The following TSHR variants were observed in gnomAD, a reference collection of about 807,000 sequenced individuals.
The protein encoded by TSHR is thyrotropin receptor.
TSHR carries 51 observed loss-of-function variants against 64.1 expected under a neutral mutation model. That is an observed-to-expected ratio of 0.80 (90% CI 0.64 to 1.01). TSHR has a LOEUF of 1.01. Among genes scored for constraint, TSHR ranks in the 50% least tolerant of loss-of-function variants. The pLI is 0.00. For synonymous variants in TSHR, 361 were observed against 361.9 expected, an observed-to-expected ratio of 1.00 and a Z score of 0.03; for missense variants, 877 against 942.8, an observed-to-expected ratio of 0.93 and a Z score of 0.91.
At position 80,999,926 on chromosome 14, in the gene TSHR, C is replaced by CTTTTTT. The variant is rs887541689; in HGVS notation, c.170+44079_170+44084dup. Reference sequence around the variant, plus strand: ...TGGGGAAGACTACCAAATTTTTTTTCTTTTTTTTCTTTTTTTTTTTTTTGA... The same window carrying CTTTTTT: ...TGGGGAAGACTACCAAATTTTTTTTCTTTTTTTTTTTTTTCTTTTTTTTTTTTTTGA... On this transcript the variant is annotated intron_variant, in intron 1 of 9. Coordinates refer to ENST00000298171, the MANE Select transcript of TSHR (RefSeq NM_000369.5). Among the ~76,000 whole-genome samples the CTTTTTT allele has an allele frequency of 4.1e-3, 590 of 142,654 alleles. 12 individuals are homozygous for CTTTTTT. Among genetic ancestry groups the CTTTTTT allele is most frequent in the East Asian group, 0.013 (58 of 4,476 alleles). The allele number at this position is 142,654 out of a possible 152,430, so 93.6% of individuals were successfully genotyped here. A position where few individuals can be genotyped will look rare whatever the true frequency, so the allele number is the denominator to read the frequency against.
chr14:81,019,457 C>CTTTTTTT (rs1166193901), intron 1 of TSHR, among the ~76,000 whole-genome samples: 4 of 118,380 alleles, frequency 3.4e-5, no homozygotes, highest in Non-Finnish European at 3.6e-5. Context: ...ATCATCAATT[C>CTTTTTTT]TTTTTTTTTT....
At chr14:81,040,523 C>A (rs8016404) in intron 1 of TSHR, among the ~76,000 whole-genome samples, 1 of 151,832 alleles carries the variant, frequency 6.6e-6, no homozygotes, top group Non-Finnish European at 1.5e-5. Context: ...AGTGGAGAGA[C>A]GACATACAGA....
intron 7 of TSHR, among the ~76,000 whole-genome samples, chr14:81,101,893 C>T (rs563278599): frequency 6.6e-6 from 1 of 152,192 alleles, no homozygotes; most frequent in South Asian, 2.1e-4. Context: ...CTAAGCAGGC[C>T]GGGTGTGGTG....
At chr14:81,128,083 G>A (rs1357806713) in intron 8 of TSHR, among the ~76,000 whole-genome samples, 2 of 152,166 alleles carry the variant, frequency 1.3e-5, no homozygotes, top group Non-Finnish European at 2.9e-5. Context: ...TATAAGAAAT[G>A]ATTGTAGTAA....
intron 1 of TSHR, chr14:81,001,851 A>G (rs1282365875): frequency 4.7e-6 from 1 of 212,998 alleles, no homozygotes; most frequent in African/African-American, 2.3e-5. Flanking sequence ...AACTTTCTTG[A>G]TCTTGCTTTT....
Position 80,976,037 on chromosome 14 carries a change from G to A in TSHR, c.170+20187G>A, listed in dbSNP as rs998312242. Reference sequence around the variant, plus strand: ...CACCATTCTCCTGCCTCAGCCTCCCGAGTAGCTGGGACTACAGGCACCCGC... The same window carrying A: ...CACCATTCTCCTGCCTCAGCCTCCCAAGTAGCTGGGACTACAGGCACCCGC... On this transcript the variant is annotated intron_variant, in intron 1 of 9. Coordinates refer to ENST00000298171, the MANE Select transcript of TSHR (RefSeq NM_000369.5). 1.5e-4 allele frequency among the ~76,000 whole-genome samples: 22 copies of A among 151,612 alleles called. No individual in the cohort carries two copies. In the Middle Eastern group the frequency reaches 0.01, roughly 71 times the overall value.
chr14:81,051,478 T>C (rs921445038), intron 1 of TSHR: 4 of 152,164 alleles, frequency 2.6e-5, no homozygotes, highest in Non-Finnish European at 5.9e-5. Context: ...AAATTTACCT[T>C]GTCTTGGTAA....
intron 3 of TSHR, among the ~76,000 whole-genome samples, chr14:81,086,797 T>C (rs1888317237): frequency 6.6e-6 from 1 of 152,242 alleles, no homozygotes. Context: ...TCACAGACAT[T>C]ATGCTAAATG....
chr14:81,110,978 C>T (rs1285338593), intron 8 of TSHR, among the ~76,000 whole-genome samples: 2 of 152,054 alleles, frequency 1.3e-5, no homozygotes, highest in African/African-American at 2.4e-5. Context: ...TACTTATCTT[C>T]ATTGCATTAT....
intron 7 of TSHR, chr14:81,107,251 A>G (rs1889954083): frequency 6.6e-6 from 1 of 152,180 alleles, no homozygotes; most frequent in African/African-American, 2.4e-5. Flanking sequence ...ATGTTCCACC[A>G]TGAAGAGCAA....
At chr14:81,042,115 A>G (rs1884950502) in intron 1 of TSHR, among the ~76,000 whole-genome samples, 1 of 152,224 alleles carries the variant, frequency 6.6e-6, no homozygotes, top group African/African-American at 2.4e-5. Flanking sequence ...CCCAATTAGA[A>G]TGGGTATTCT....
In TSHR at chr14:81,126,457, T is replaced by C. The variant is rs547639155; in HGVS notation, c.693-13222T>C. On this transcript the variant is annotated intron_variant, in intron 8 of 9. Coordinates refer to ENST00000298171, the MANE Select transcript of TSHR (RefSeq NM_000369.5). ...AGTCTGAGTAAATGTTTCCTATCTA[T>C]GCCAGGCCAAAAAGTAAACTAGATA... Among the ~76,000 whole-genome samples the C allele has an allele frequency of 1.5e-4, 23 of 152,328 alleles. No homozygotes were observed. In the South Asian group the frequency reaches 3.9e-3, roughly 26 times the overall value.
At chr14:81,022,812 C>T (rs886894156) in intron 1 of TSHR, among the ~76,000 whole-genome samples, 2 of 151,590 alleles carry the variant, frequency 1.3e-5, no homozygotes, top group Non-Finnish European at 2.9e-5. Context: ...CAAAGCGAGA[C>T]TTCATCTCAA....
rs564236514 is a variant in TSHR at position 81,109,131 on chromosome 14, C to T, written c.692+679C>T. ...GTCCTTGCCAAAGTGGATCACAGGCCGGGCACAGTGTCTCACACCTGTAAT... is the reference window on the plus strand; with the variant it reads ...GTCCTTGCCAAAGTGGATCACAGGCTGGGCACAGTGTCTCACACCTGTAAT... On this transcript the variant is annotated intron_variant, in intron 8 of 9. Coordinates refer to ENST00000298171, the MANE Select transcript of TSHR (RefSeq NM_000369.5). Among the ~76,000 whole-genome samples the T allele has an allele frequency of 5.3e-5, 8 of 152,238 alleles. No homozygotes were observed. The East Asian group carries it at 7.7e-4, about 15-fold the overall frequency.
chr14:80,961,555 G>T (rs1195259713), intron 1 of TSHR, among the ~76,000 whole-genome samples: 1 of 152,100 alleles, frequency 6.6e-6, no homozygotes, highest in African/African-American at 2.4e-5. Context: ...TTATTCACTT[G>T]GGATGAACAT....
At chr14:81,033,973 C>T (rs1365050206) in intron 1 of TSHR, among the ~76,000 whole-genome samples, 1 of 152,044 alleles carries the variant, frequency 6.6e-6, no homozygotes, top group African/African-American at 2.4e-5. Context: ...AACATTGTAC[C>T]AATAGTTAGT....
intron 7 of TSHR, chr14:81,104,519 C>G: frequency 8.1e-6 from 8 of 985,406 alleles, no homozygotes; most frequent in Non-Finnish European, 9.6e-6. Context: ...TCTTTCTAAA[C>G]CTGGTATAGA....
chr14:80,978,819 T>C (rs1233822262), intron 1 of TSHR, among the ~76,000 whole-genome samples: 1 of 152,238 alleles, frequency 6.6e-6, no homozygotes, highest in Non-Finnish European at 1.5e-5. Flanking sequence ...CTGTACCAGC[T>C]TCTCTTTCTT....
At chr14:81,126,074 A>G (rs1891009669) in intron 8 of TSHR, among the ~76,000 whole-genome samples, 1 of 152,070 alleles carries the variant, frequency 6.6e-6, no homozygotes, top group Non-Finnish European at 1.5e-5. Flanking sequence ...TTTCCCCCAA[A>G]ATCCTAATTT....
Sources: allele counts gnomAD v4.1 joint callset (sites outside exome capture counted in the v4.1 genomes callset), GRCh38; gene constraint gnomAD v4.1.1; transcripts MANE v1.5; gene names NCBI Gene and HGNC (gene_info 2026-07-23, HGNC 2026-07-21).